The following PHKA2 variants were observed in gnomAD, a reference collection of about 807,000 sequenced individuals.
The protein encoded by PHKA2 is phosphorylase b kinase regulatory subunit alpha, liver isoform.
A neutral mutation model predicts 102.0 loss-of-function variants in PHKA2; 31 were observed. The observed-to-expected ratio is 0.30, with a 90% CI of 0.23 to 0.41. The LOEUF (loss-of-function observed/expected upper bound fraction) is 0.41, where lower values mean the gene tolerates loss of function less well. Among genes scored for constraint, PHKA2 ranks in the 10% least tolerant of loss-of-function variants. The pLI, the probability that PHKA2 is intolerant of heterozygous loss-of-function variation, is 1.00. For synonymous variants in PHKA2, 455 were observed against 416.2 expected, an observed-to-expected ratio of 1.09 and a Z score of -1.13; for missense variants, 858 against 1,023.1, an observed-to-expected ratio of 0.84 and a Z score of 2.20.
At chrX:18,923,408 C>T (rs1201517858) in intron 17 of PHKA2, among the ~76,000 whole-genome samples, 1 of 111,726 alleles carries the variant, frequency 9.0e-6, no homozygotes, top group Non-Finnish European at 1.9e-5. Context: ...ATAGACACTA[C>T]AGAGAAGACC....
At position 18,941,526 on chromosome X, in the gene PHKA2, T is replaced by C; in HGVS notation, c.864+3A>G. 1.2e-5 allele frequency: 14 copies of C among 1,208,305 alleles called. No individual in the cohort carries two copies. The highest frequency in any genetic ancestry group is 1.6e-5 in the Non-Finnish European group (14 of 892,110). ...GAAGGGCACCAGCATGACTAATGCT[T>C]ACCTGGAGCTTAGAAATAATTTCAT... On this transcript the variant is annotated splice_donor_region_variant and intron_variant, in intron 8 of 32. Transcript: ENST00000379942.
Position 18,943,523 on chromosome X carries a change from T to A in PHKA2, c.717+187A>T, listed in dbSNP as rs146951987. 6.1e-3 allele frequency among the ~76,000 whole-genome samples: 689 copies of A among 112,589 alleles called. 5 individuals are homozygous for A. The highest frequency in any genetic ancestry group is 0.021 in the African/African-American group (655 of 31,002). On this transcript the variant is annotated intron_variant, in intron 7 of 32. Coordinates refer to ENST00000379942, the MANE Select transcript of PHKA2 (RefSeq NM_000292.3). ...TTACAAAGTGCTTAGACAGACTAAG[T>A]TGACTGATTCTTACAACTAGCTTGT...
chrX:18,935,777 AT>A lies in PHKA2; in HGVS notation c.1137+277del, dbSNP rs774502316. ...GCCACCATGCCTGGCTAATTTTTGT[AT>A]TTTTTTTTTTTTTTTTTAGTAGAGA... On this transcript the variant is annotated intron_variant, in intron 11 of 32. Coordinates refer to ENST00000379942, the MANE Select transcript of PHKA2 (RefSeq NM_000292.3). Among the ~76,000 whole-genome samples, 286 of 77,122 alleles carry A rather than the reference AT, an allele frequency of 3.7e-3. 1 individual carries two copies. The highest frequency in any genetic ancestry group is 7.0e-3 in the Middle Eastern group (1 of 142). 67.0% of individuals were successfully genotyped at this position (77,122 alleles called of 115,157 possible). A position where few individuals can be genotyped will look rare whatever the true frequency, so the allele number is the denominator to read the frequency against.
rs527384691 is a variant in PHKA2 at position 18,897,507 on chromosome X, G to A, written c.3112-174C>T. The A allele has an allele frequency of 6.5e-4, 300 of 463,114 alleles. 2 individuals are homozygous for A. The South Asian group carries it at 8.8e-3, about 14-fold the overall frequency. The allele number at this position is 463,114 out of a possible 1,213,427, so 38.2% of individuals were successfully genotyped here. ...TCTGTTTCCTCATGTGAGATGACTC[G>A]CATACTTTGGGTTGATCACTTCATT... On this transcript the variant is annotated intron_variant, in intron 29 of 32. Coordinates refer to ENST00000379942, the MANE Select transcript of PHKA2 (RefSeq NM_000292.3).
At chrX:18,893,946 G>T in intron 32 of PHKA2, 1 of 458,496 alleles carries the variant, frequency 2.2e-6, no homozygotes, top group Non-Finnish European at 3.8e-6. Context: ...CAGGGTAAGG[G>T]GTTCACCCAT....
intron 30 of PHKA2, 111 bp downstream of exon 30, chrX:18,897,052 C>T: frequency 1.1e-6 from 1 of 903,589 alleles, no homozygotes; most frequent in East Asian, 3.1e-5. Context: ...AGCGCTGAGG[C>T]AGAGAAGCCA....
chrX:18,897,024 T>G, intron 30 of PHKA2, 139 bp downstream of exon 30: 1 of 718,114 alleles, frequency 1.4e-6, no homozygotes. Flanking sequence ...AGAGAATGCC[T>G]CGGCCCCAGG....
intron 12 of PHKA2, among the ~76,000 whole-genome samples, chrX:18,931,296 C>T (rs749388936): frequency 9.0e-6 from 1 of 111,442 alleles, no homozygotes; most frequent in Admixed American, 9.5e-5. Context: ...TAGTCATTTC[C>T]CAAATCTTGT....
chrX:18,979,664 T>C (rs952235687), intron 1 of PHKA2, among the ~76,000 whole-genome samples: 4 of 111,975 alleles, frequency 3.6e-5, no homozygotes, highest in Admixed American at 9.5e-5. Context: ...CTTTCATTCT[T>C]TGCATTAAAG....
At chrX:18,952,399 G>T in intron 3 of PHKA2, 95 bp downstream of exon 3, 2 of 711,297 alleles carry the variant, frequency 2.8e-6, no homozygotes, top group Non-Finnish European at 2.2e-6. Flanking sequence ...TTCCTCTTGA[G>T]AAGAAAAGTA....
chrX:18,932,184 C>T (rs943157979), intron 11 of PHKA2, among the ~76,000 whole-genome samples: 3 of 112,090 alleles, frequency 2.7e-5, no homozygotes, highest in Non-Finnish European at 3.8e-5. Context: ...AGAGAATTGC[C>T]AGAAGGTGGC....
chrX:18,920,821 A>AC (rs1322098057), intron 17 of PHKA2, among the ~76,000 whole-genome samples: 1 of 112,186 alleles, frequency 8.9e-6, no homozygotes, highest in Non-Finnish European at 1.9e-5. Context: ...TGCAGGTCCA[A>AC]CCCCACACGC....
intron 1 of PHKA2, among the ~76,000 whole-genome samples, chrX:18,964,327 T>G (rs969137111): frequency 8.9e-6 from 1 of 111,980 alleles, no homozygotes; most frequent in African/African-American, 3.2e-5. Flanking sequence ...GGCCTTTGGT[T>G]CCCTTTCCTT....
intron 1 of PHKA2, among the ~76,000 whole-genome samples, chrX:18,956,719 T>C (rs749633734): frequency 8.9e-6 from 1 of 112,182 alleles, no homozygotes; most frequent in Non-Finnish European, 1.9e-5. Context: ...CGTGTAAAAT[T>C]AGGGTGTTAC....
intron 4 of PHKA2, among the ~76,000 whole-genome samples, chrX:18,949,273 C>A (rs776552628): frequency 2.7e-5 from 3 of 111,617 alleles, no homozygotes; most frequent in Non-Finnish European, 3.8e-5. Context: ...GCCTTCCACC[C>A]TGCAGAAAAA....
intron 13 of PHKA2, among the ~76,000 whole-genome samples, chrX:18,927,482 C>G (rs112774976): frequency 0.032 from 3,543 of 112,162 alleles, 77 homozygotes; most frequent in African/African-American, 0.086. Flanking sequence ...CTGGAAGCTG[C>G]AGAGGCTCAG....
At chrX:18,971,059 G>T (rs761218610) in intron 1 of PHKA2, among the ~76,000 whole-genome samples, 3 of 112,584 alleles carry the variant, frequency 2.7e-5, no homozygotes, top group Non-Finnish European at 5.6e-5. Context: ...AGGTATCTGG[G>T]TGAACCGCCC....
At chrX:18,901,967 C>T (rs908357462) in intron 26 of PHKA2, among the ~76,000 whole-genome samples, 1 of 109,757 alleles carries the variant, frequency 9.1e-6, no homozygotes, top group African/African-American at 3.3e-5. Context: ...CTCAGCCTCC[C>T]GAGTAACTGG....
At chrX:18,912,938 G>A (rs753706975) in intron 19 of PHKA2, among the ~76,000 whole-genome samples, 2 of 110,546 alleles carry the variant, frequency 1.8e-5, no homozygotes, top group Non-Finnish European at 3.8e-5. Context: ...AATGAGCCGG[G>A]TGTGATGGTG....
Sources: gnomAD v4.1 joint callset for allele counts (sites outside exome capture counted in the v4.1 genomes callset) on GRCh38, gnomAD v4.1.1 for gene constraint, MANE v1.5 for transcripts, NCBI Gene and HGNC (gene_info 2026-07-23, HGNC 2026-07-21) for gene names.